CDH13: variants seen among roughly 807,000 people sequenced by gnomAD.
The protein encoded by CDH13 is cadherin 13.
CDH13 carries 24 observed loss-of-function variants against 63.8 expected under a neutral mutation model. The ratio of observed to expected loss-of-function variants is 0.38; its 90% CI spans 0.27 to 0.53. The LOEUF (loss-of-function observed/expected upper bound fraction) is 0.53, where lower values mean the gene tolerates loss of function less well. CDH13 is among the 20% of genes least tolerant of loss of function. CDH13 has a pLI of 0.85. For missense variants in CDH13, 1,049 were observed against 903.1 expected (o/e 1.16, Z -2.07); for synonymous variants, 503 against 355.3 (o/e 1.42, Z -4.67).
At chr16:82,632,161 A>AGCTT (rs1322825496) in intron 1 of CDH13, among the ~76,000 whole-genome samples, 1 of 152,152 alleles carries the variant, frequency 6.6e-6, no homozygotes, top group Non-Finnish European at 1.5e-5. Flanking sequence ...GTGCCTCCGT[A>AGCTT]GCTTGCCATA....
chr16:82,778,192 G>T (rs116775196), intron 1 of CDH13, among the ~76,000 whole-genome samples: 123 of 152,260 alleles, frequency 8.1e-4, no homozygotes, highest in African/African-American at 2.9e-3. Context: ...TTATTGGGTA[G>T]AATTGTCCCT....
chr16:83,762,027 A>T (rs776529983), intron 11 of CDH13, among the ~76,000 whole-genome samples: 10 of 152,194 alleles, frequency 6.6e-5, no homozygotes, highest in Admixed American at 2.0e-4. Flanking sequence ...ACGCCACTGC[A>T]CTCCAGCCTG....
intron 7 of CDH13, among the ~76,000 whole-genome samples, chr16:83,541,510 G>C (rs1228095957): frequency 2.6e-5 from 4 of 152,162 alleles, no homozygotes; most frequent in African/African-American, 9.7e-5. Flanking sequence ...ATTTTCCAAA[G>C]TTCCTTGCAG....
At chr16:83,074,842 C>G (rs139883311) in intron 3 of CDH13, among the ~76,000 whole-genome samples, 3 of 152,186 alleles carry the variant, frequency 2.0e-5, no homozygotes, top group Non-Finnish European at 4.4e-5. Flanking sequence ...TCTTCTGATT[C>G]CAGACATCAC....
intron 2 of CDH13, among the ~76,000 whole-genome samples, chr16:82,888,903 G>A (rs574200448): frequency 2.0e-5 from 3 of 152,280 alleles, no homozygotes; most frequent in Non-Finnish European, 4.4e-5. Flanking sequence ...GGAGGAGGGT[G>A]GATAGCTTTC....
At chr16:83,396,288 C>G (rs570170841) in intron 6 of CDH13, among the ~76,000 whole-genome samples, 62 of 152,284 alleles carry the variant, frequency 4.1e-4, no homozygotes, top group Non-Finnish European at 7.2e-4. Context: ...GTAATCCATT[C>G]TCTACCTCGT....
chr16:83,036,724 TTCTTCCCAGCCCTTTGGTTGGTGA>T (rs1266157396), intron 3 of CDH13, among the ~76,000 whole-genome samples: 1 of 152,152 alleles, frequency 6.6e-6, no homozygotes, highest in Admixed American at 6.6e-5. Context: ...TGTGTTCTGC[TTCTTCCCAGCCCTTTGGTTGGTGA>T]TCTTGTCGTG....
chr16:82,866,379 T>G (rs2040142325), intron 2 of CDH13, among the ~76,000 whole-genome samples: 1 of 24,344 alleles, frequency 4.1e-5, no homozygotes, highest in African/African-American at 2.1e-4. Context: ...TTCTTCTTCT[T>G]TTTTTTTTTT....
At chr16:83,443,584 G>T (rs1189666567) in intron 6 of CDH13, among the ~76,000 whole-genome samples, 7 of 151,678 alleles carry the variant, frequency 4.6e-5, no homozygotes, top group African/African-American at 1.7e-4. Context: ...AAAGGAATCA[G>T]TGTCAGACTG....
At chr16:83,090,330 C>G (rs574863048) in intron 3 of CDH13, among the ~76,000 whole-genome samples, 11 of 152,190 alleles carry the variant, frequency 7.2e-5, no homozygotes, top group Middle Eastern at 3.4e-3. Context: ...AATCCCAGCA[C>G]TTTGGGAGGC....
intron 6 of CDH13, among the ~76,000 whole-genome samples, chr16:83,479,122 G>T (rs2073691485): frequency 6.6e-6 from 1 of 152,218 alleles, no homozygotes; most frequent in South Asian, 2.1e-4. Flanking sequence ...AAGACCAGAG[G>T]AAGCGGATGC....
chr16:82,992,842 T>G (rs2151408652), intron 2 of CDH13, among the ~76,000 whole-genome samples: 1 of 152,296 alleles, frequency 6.6e-6, no homozygotes, highest in African/African-American at 2.4e-5. Context: ...CAATTCATGC[T>G]GAGATGATAA....
chr16:83,647,312 C>CAAAAAA (rs772041222), intron 8 of CDH13, among the ~76,000 whole-genome samples: 21 of 86,418 alleles, frequency 2.4e-4, no homozygotes, highest in African/African-American at 8.6e-4. Context: ...GACTCTGTCT[C>CAAAAAA]AAAAAAAAAA....
chr16:83,434,843 A>ATGTGTGTGTG lies in CDH13; in HGVS notation c.782-51633_782-51632insGTGTGTGTGT, dbSNP rs1442298017. Among the ~76,000 whole-genome samples, 26 of 62,716 alleles carry ATGTGTGTGTG rather than the reference A, an allele frequency of 4.1e-4. 1 individual carries two copies. Among genetic ancestry groups the ATGTGTGTGTG allele is most frequent in the African/African-American group, 1.8e-3 (22 of 11,990 alleles). 41.1% of individuals were successfully genotyped at this position (62,716 alleles called of 152,430 possible). A position where few individuals can be genotyped will look rare whatever the true frequency, so the allele number is the denominator to read the frequency against. ...ATACCTGCACCTATTTAAAATATAT[A>ATGTGTGTGTG]TATATGTGTGTGCGTGTGTGTGTGT... On this transcript the variant is annotated intron_variant, in intron 6 of 13. Coordinates refer to ENST00000567109, the MANE Select transcript of CDH13 (RefSeq NM_001257.5).
At chr16:83,054,678 T>C (rs1443186889) in intron 3 of CDH13, among the ~76,000 whole-genome samples, 1 of 152,166 alleles carries the variant, frequency 6.6e-6, no homozygotes, top group African/African-American at 2.4e-5. Context: ...AGAGGGTGAC[T>C]GGTGTATAAA....
intron 1 of CDH13, among the ~76,000 whole-genome samples, chr16:82,723,405 G>A (rs947110358): frequency 1.3e-5 from 2 of 152,144 alleles, no homozygotes; most frequent in Non-Finnish European, 2.9e-5. Flanking sequence ...TGGGAACATA[G>A]CTAGGTTATA....
At chr16:83,570,803 AATAT>A (rs988344791) in intron 7 of CDH13, among the ~76,000 whole-genome samples, 2 of 132,992 alleles carry the variant, frequency 1.5e-5, no homozygotes, top group South Asian at 2.2e-4. Context: ...TATATTTATA[AATAT>A]ATATATTTAT....
chr16:83,697,013 C>G (rs562239977), intron 10 of CDH13, among the ~76,000 whole-genome samples: 2 of 152,194 alleles, frequency 1.3e-5, no homozygotes, highest in African/African-American at 4.8e-5. Flanking sequence ...AACCACACGG[C>G]CTTTCTTCCT....
At chr16:83,414,343 A>T (rs1350997906) in intron 6 of CDH13, among the ~76,000 whole-genome samples, 1 of 152,240 alleles carries the variant, frequency 6.6e-6, no homozygotes, top group African/African-American at 2.4e-5. Flanking sequence ...GTATATTCAC[A>T]GGGTGATGCA....
Sources: allele counts gnomAD v4.1 joint callset (sites outside exome capture counted in the v4.1 genomes callset), GRCh38; gene constraint gnomAD v4.1.1; transcripts MANE v1.5; gene names NCBI Gene and HGNC (gene_info 2026-07-23, HGNC 2026-07-21).